TTC23L: variants seen among roughly 807,000 people sequenced by gnomAD.
TTC23L encodes tetratricopeptide repeat domain 23 like, also known as tetratricopeptide repeat protein 23-like.
TTC23L carries 42 observed loss-of-function variants against 48.1 expected under a neutral mutation model. That is an observed-to-expected ratio of 0.87 (90% CI 0.68 to 1.13). TTC23L has a LOEUF of 1.13. TTC23L is among the 50% of genes most tolerant of loss of function. The pLI, the probability that TTC23L is intolerant of heterozygous loss-of-function variation, is 0.00. For synonymous variants in TTC23L, 159 were observed against 157.2 expected (o/e 1.01, Z -0.09); for missense variants, 391 against 421.0 (o/e 0.93, Z 0.62).
At chr5:34,918,591 G>A in the TTC23L span, 18 of 558,188 alleles carry the variant, frequency 3.2e-5, 1 homozygote, top group South Asian at 5.9e-4. Flanking sequence ...AAAACACAAT[G>A]CCTTTTATCC....
At chr5:34,908,700 CT>C in the TTC23L span, 1 of 1,379,996 alleles carries the variant, frequency 7.2e-7, no homozygotes, top group Non-Finnish European at 9.9e-7. Context: ...ACAAAGAGTA[CT>C]GTACTCAGAA....
intron 10 of TTC23L, among the ~76,000 whole-genome samples, chr5:34,897,516 TCTCA>T (rs1438580925): frequency 4.6e-5 from 7 of 152,286 alleles, no homozygotes; most frequent in South Asian, 4.1e-4. Flanking sequence ...AGTGACGAGG[TCTCA>T]CTATGTTGCC....
downstream of TTC23L, among the ~76,000 whole-genome samples, chr5:34,900,804 T>C (rs1222634624): frequency 6.6e-6 from 1 of 152,240 alleles, no homozygotes; most frequent in African/African-American, 2.4e-5. Flanking sequence ...GAGAGAGTAC[T>C]TTTTTCTGCC....
chr5:34,908,776 A>T, the TTC23L span: 2 of 1,601,678 alleles, frequency 1.2e-6, no homozygotes, highest in Non-Finnish European at 1.7e-6. Flanking sequence ...CAAGACTCAG[A>T]TTCAGGAACT....
At chr5:34,885,042 C>T (rs1248251163) in intron 9 of TTC23L, among the ~76,000 whole-genome samples, 1 of 152,076 alleles carries the variant, frequency 6.6e-6, no homozygotes, top group Non-Finnish European at 1.5e-5. Context: ...TCTTCACCTT[C>T]CCTAAAGAAA....
At chr5:34,915,850 G>C in the TTC23L span, 2 of 1,566,536 alleles carry the variant, frequency 1.3e-6, no homozygotes, top group East Asian at 4.7e-5. Context: ...CACAGCAGAG[G>C]AGGTGGAGGA....
intron 8 of TTC23L, 96 bp from the exon 9 acceptor site, chr5:34,880,085 G>T: frequency 6.9e-7 from 1 of 1,439,762 alleles, no homozygotes; most frequent in Non-Finnish European, 9.4e-7. Flanking sequence ...AACAAGCATG[G>T]ACTTTAAGCA....
intron 9 of TTC23L, among the ~76,000 whole-genome samples, chr5:34,882,451 A>G (rs1762281849): frequency 6.6e-6 from 1 of 152,244 alleles, no homozygotes; most frequent in Non-Finnish European, 1.5e-5. Flanking sequence ...TAACTGGCAC[A>G]TAGAAGATGC....
chr5:34,903,600 T>C (rs1225937192), downstream of TTC23L, among the ~76,000 whole-genome samples: 1 of 152,224 alleles, frequency 6.6e-6, no homozygotes, highest in Non-Finnish European at 1.5e-5. Flanking sequence ...TTAGTTTCAC[T>C]GCCCTAAAAA....
intron 9 of TTC23L, among the ~76,000 whole-genome samples, chr5:34,886,638 A>T (rs1762561819): frequency 6.6e-6 from 1 of 152,126 alleles, no homozygotes; most frequent in African/African-American, 2.4e-5. Context: ...GCATGTATAT[A>T]TGTATTTTCC....
chr5:34,887,202 C>G (rs886199937), intron 9 of TTC23L, among the ~76,000 whole-genome samples: 3 of 152,066 alleles, frequency 2.0e-5, no homozygotes, highest in African/African-American at 7.2e-5. Flanking sequence ...AAGAGGAACT[C>G]ATTTTGAAGA....
At chr5:34,914,412 G>A in the TTC23L span, 119 of 408,064 alleles carry the variant, frequency 2.9e-4, no homozygotes, top group Non-Finnish European at 4.9e-5. Flanking sequence ...TAAGAAGACT[G>A]TAGCCTAGCC....
chr5:34,856,427 C>T (rs973695421), intron 4 of TTC23L, among the ~76,000 whole-genome samples: 1 of 152,142 alleles, frequency 6.6e-6, no homozygotes, highest in South Asian at 2.1e-4. Context: ...TGGTCCCAAG[C>T]ATTTTGGATA....
exon 6 of TTC23L, chr5:34,864,438 G>A: frequency 6.2e-7 from 1 of 1,613,458 alleles, no homozygotes; most frequent in Non-Finnish European, 8.5e-7. Flanking sequence ...CTATTTCACT[G>A]GCAGAGAAGC....
chr5:34,845,613 TC>T lies in TTC23L; in HGVS notation c.198del (p.Glu68ArgfsTer3). ...AGAAGGCCATAGACTGTATGTCTCA[TC>T]CCAAAGAGAAATTAGCCCAATCCCA... is the stretch of plus-strand genomic sequence containing the variant. On this transcript the variant is annotated frameshift_variant, in exon 3 of 11. Transcript: ENST00000505624. LOFTEE classifies it high-confidence loss of function. 1 of 1,613,932 alleles carries T rather than the reference TC, an allele frequency of 6.2e-7. No homozygotes were observed. Among genetic ancestry groups the T allele is most frequent in the South Asian group, 1.1e-5 (1 of 91,068 alleles).
At chr5:34,865,117 G>A (rs1259127053) in intron 6 of TTC23L, among the ~76,000 whole-genome samples, 2 of 152,220 alleles carry the variant, frequency 1.3e-5, no homozygotes, top group African/African-American at 4.8e-5. Flanking sequence ...CTGTCTTGCT[G>A]TTGACTTAGG....
the TTC23L span, chr5:34,914,786 A>G: frequency 6.2e-7 from 1 of 1,614,234 alleles, no homozygotes; most frequent in Non-Finnish European, 8.5e-7. Context: ...ATGTTCTCGG[A>G]AATGAATAGC....
chr5:34,901,008 T>C (rs1763495737), downstream of TTC23L, among the ~76,000 whole-genome samples: 1 of 152,226 alleles, frequency 6.6e-6, no homozygotes, highest in Non-Finnish European at 1.5e-5. Context: ...TACATTTGTT[T>C]ACATTTCTCT....
At chr5:34,908,651 C>T in the TTC23L span, 1 of 944,628 alleles carries the variant, frequency 1.1e-6, no homozygotes, top group Non-Finnish European at 1.6e-6. Context: ...CTATCTTCCC[C>T]ATTGTGCTTC....
Sources: allele counts gnomAD v4.1 joint callset (sites outside exome capture counted in the v4.1 genomes callset), GRCh38; gene constraint gnomAD v4.1.1; transcripts MANE v1.5; gene names NCBI Gene and HGNC (gene_info 2026-07-23, HGNC 2026-07-21).